The following EXOC4 variants were observed in gnomAD, a reference collection of about 807,000 sequenced individuals.
The protein encoded by EXOC4 is SEC8-like 1.
In EXOC4, 71 loss-of-function variants were observed where a neutral mutation model predicts 107.2. The ratio of observed to expected loss-of-function variants is 0.66; its 90% CI spans 0.55 to 0.81. The LOEUF (loss-of-function observed/expected upper bound fraction) is 0.81, where lower values mean the gene tolerates loss of function less well. EXOC4 is among the 30% of genes least tolerant of loss of function. The pLI is 0.00. For missense variants in EXOC4, 1,108 were observed against 1,189.6 expected (o/e 0.93, Z 1.01); for synonymous variants, 456 against 441.2 (o/e 1.03, Z -0.42).
At chr7:133,938,183 C>A in intron 14 of EXOC4, 114 bp downstream of exon 14, 1 of 998,914 alleles carries the variant, frequency 1.0e-6, no homozygotes, top group African/African-American at 1.6e-5. Flanking sequence ...CCCAAGCTGT[C>A]AGAAGATCCT....
At chr7:133,339,418 G>A (rs1282144432) in intron 5 of EXOC4, among the ~76,000 whole-genome samples, 3 of 152,162 alleles carry the variant, frequency 2.0e-5, no homozygotes, top group Admixed American at 1.3e-4. Flanking sequence ...TGGCTTTACA[G>A]TATAGTTTGA....
chr7:133,695,363 C>A (rs1005735347), intron 10 of EXOC4, among the ~76,000 whole-genome samples: 2 of 152,050 alleles, frequency 1.3e-5, no homozygotes, highest in African/African-American at 4.8e-5. Context: ...TTTCTTTATC[C>A]ATTTATCTGT....
At chr7:133,392,885 A>G (rs1030416445) in intron 7 of EXOC4, among the ~76,000 whole-genome samples, 5 of 152,334 alleles carry the variant, frequency 3.3e-5, no homozygotes, top group South Asian at 2.1e-4. Flanking sequence ...ATCTTAGTCT[A>G]TTGGATAAGA....
intron 7 of EXOC4, among the ~76,000 whole-genome samples, chr7:133,434,288 A>T (rs567142814): frequency 2.0e-5 from 3 of 152,212 alleles, no homozygotes; most frequent in South Asian, 2.1e-4. Flanking sequence ...TTCTCTCTAC[A>T]TGGGGGGGAA....
In EXOC4 at chr7:133,275,133, A is replaced by G. The variant is rs1391634899; in HGVS notation, c.238A>G (p.Thr80Ala). 1.2e-6 allele frequency: 2 copies of G among 1,608,750 alleles called. No homozygotes were observed. The highest frequency in any genetic ancestry group is 1.7e-6 in the Non-Finnish European group (2 of 1,177,402). ...TTAIRTYQSI[T>A]ERITNSRNKI... The stretch of plus-strand genomic sequence containing the variant: ...AGCCATTCGCACATACCAGAGCATC[A>G]CAGAGCGCATCACTAACTCCCGAAA... Residue 80 changes from threonine to alanine, a missense_variant, in exon 2 of 18, where the codon ACA becomes GCA. Transcript: ENST00000253861.
chr7:133,654,572 G>C (rs1266003102), intron 10 of EXOC4, among the ~76,000 whole-genome samples: 2 of 152,144 alleles, frequency 1.3e-5, no homozygotes, highest in Non-Finnish European at 1.5e-5. Context: ...GTTGGTTATG[G>C]ATAGAGCAAA....
intron 1 of EXOC4, among the ~76,000 whole-genome samples, chr7:133,259,830 T>G (rs1286164066): frequency 1.3e-5 from 2 of 152,214 alleles, no homozygotes; most frequent in Non-Finnish European, 2.9e-5. Flanking sequence ...GGGATCTTAC[T>G]CTATATACTA....
chr7:133,624,117 A>G (rs1802397079), intron 9 of EXOC4, among the ~76,000 whole-genome samples: 1 of 152,158 alleles, frequency 6.6e-6, no homozygotes, highest in Non-Finnish European at 1.5e-5. Flanking sequence ...ATTCACCTTC[A>G]CTGTGGTTCT....
In EXOC4 at chr7:133,976,942, A is replaced by C. The variant is rs565159069; in HGVS notation, c.2207-20550A>C. Among the ~76,000 whole-genome samples, 14 of 152,362 alleles carry C rather than the reference A, an allele frequency of 9.2e-5. 1 individual carries two copies. The South Asian group carries it at 2.7e-3, about 29-fold the overall frequency. On this transcript the variant is annotated intron_variant, in intron 14 of 17. Coordinates refer to ENST00000253861, the MANE Select transcript of EXOC4 (RefSeq NM_021807.4). The stretch of plus-strand genomic sequence containing the variant: ...GTGAATGTTCTGATGAATGAGCCTT[A>C]GAACAAAGAGAGCTAAGCTTTTCTG...
chr7:133,823,910 TA>T lies in EXOC4; in HGVS notation c.1734+6369del, dbSNP rs1338932029. Among the ~76,000 whole-genome samples, 169 of 29,174 alleles carry T rather than the reference TA, an allele frequency of 5.8e-3. 8 individuals carry two copies. The highest frequency in any genetic ancestry group is 8.3e-3 in the South Asian group (6 of 724). 19.1% of individuals were successfully genotyped at this position (29,174 alleles called of 152,430 possible). On this transcript the variant is annotated intron_variant, in intron 11 of 17. Coordinates refer to ENST00000253861, the MANE Select transcript of EXOC4 (RefSeq NM_021807.4). ...TATATATATTTTATATATATATATA[TA>T]AATATATATATAAATTATATATATA...
intron 17 of EXOC4, among the ~76,000 whole-genome samples, chr7:134,029,349 A>G (rs1795215161): frequency 6.6e-6 from 1 of 152,224 alleles, no homozygotes. Context: ...CACGCACTTT[A>G]TAATTTCATT....
intron 1 of EXOC4, among the ~76,000 whole-genome samples, chr7:133,255,189 T>C (rs1299270171): frequency 6.6e-6 from 1 of 151,914 alleles, no homozygotes; most frequent in Admixed American, 6.6e-5. Flanking sequence ...TTCTTTTCTT[T>C]TTTTTTGAGA....
chr7:133,917,760 T>C (rs765003012), intron 13 of EXOC4, 22 bp downstream of exon 13: 7 of 1,611,918 alleles, frequency 4.3e-6, no homozygotes, highest in Non-Finnish European at 5.9e-6. Flanking sequence ...ATTTTCTAAG[T>C]TGTCCTAAAC....
intron 2 of EXOC4, among the ~76,000 whole-genome samples, chr7:133,287,096 C>T (rs899178238): frequency 6.6e-6 from 1 of 152,150 alleles, no homozygotes; most frequent in Admixed American, 6.5e-5. Flanking sequence ...AATTTAGTTG[C>T]CTACTGTCCA....
At chr7:133,279,655 A>G (rs534598938) in intron 2 of EXOC4, among the ~76,000 whole-genome samples, 1 of 152,148 alleles carries the variant, frequency 6.6e-6, no homozygotes, top group South Asian at 2.1e-4. Flanking sequence ...AGTAGTTGGG[A>G]CCATAGGTAC....
intron 1 of EXOC4, among the ~76,000 whole-genome samples, chr7:133,255,988 T>TTTTGAGACGTAG (rs1438718025): frequency 5.3e-5 from 8 of 152,126 alleles, no homozygotes; most frequent in African/African-American, 1.9e-4. Flanking sequence ...CTTTTTTTTT[T>TTTTGAGACGTAG]TTTGAGACGT....
intron 11 of EXOC4, among the ~76,000 whole-genome samples, chr7:133,836,549 C>T (rs540998635): frequency 1.6e-4 from 24 of 152,262 alleles, no homozygotes; most frequent in African/African-American, 5.5e-4. Context: ...ACATCTTAAA[C>T]CACCTCCTAC....
intron 10 of EXOC4, among the ~76,000 whole-genome samples, chr7:133,742,676 C>T (rs749853430): frequency 6.6e-6 from 1 of 152,134 alleles, no homozygotes; most frequent in Non-Finnish European, 1.5e-5. Flanking sequence ...TTAATATTCA[C>T]GATAGCTCAT....
chr7:133,798,809 A>ATAAAC (rs1796870317), intron 10 of EXOC4, among the ~76,000 whole-genome samples: 1 of 152,174 alleles, frequency 6.6e-6, no homozygotes, highest in South Asian at 2.1e-4. Flanking sequence ...ATAAAATAAA[A>ATAAAC]TAAAAGCACA....
Sources: allele counts gnomAD v4.1 joint callset (sites outside exome capture counted in the v4.1 genomes callset), GRCh38; gene constraint gnomAD v4.1.1; transcripts MANE v1.5; gene names NCBI Gene and HGNC (gene_info 2026-07-23, HGNC 2026-07-21).